Variants in ARHGAP15 observed in about 807,000 individuals in gnomAD.
ARHGAP15 encodes the protein Rho GTPase activating protein 15.
ARHGAP15 carries 51 observed loss-of-function variants against 63.7 expected under a neutral mutation model. That is an observed-to-expected ratio of 0.80 (90% CI 0.64 to 1.01). The LOEUF is 1.01. ARHGAP15 is among the 50% of genes least tolerant of loss of function. The pLI, the probability that ARHGAP15 is intolerant of heterozygous loss-of-function variation, is 0.00. For missense variants in ARHGAP15, 560 were observed against 564.6 expected, an observed-to-expected ratio of 0.99 and a Z score of 0.08; for synonymous variants, 191 against 193.8, an observed-to-expected ratio of 0.99 and a Z score of 0.12.
chr2:143,180,988 A>C lies in ARHGAP15; in HGVS notation c.166-21146A>C, dbSNP rs576689246. Among the ~76,000 whole-genome samples the C allele has an allele frequency of 4.6e-5, 7 of 152,282 alleles. No homozygotes were observed. The South Asian group carries it at 1.5e-3, about 32-fold the overall frequency. Reference sequence around the variant, plus strand: ...TACCCGGCCTTAAATATATTTCTTAAATAACAAAACTCTAAAGCCAAATTT... The same window carrying C: ...TACCCGGCCTTAAATATATTTCTTACATAACAAAACTCTAAAGCCAAATTT... On this transcript the variant is annotated intron_variant, in intron 2 of 13. Transcript: ENST00000295095.
intron 13 of ARHGAP15, among the ~76,000 whole-genome samples, chr2:143,764,377 A>G (rs538223033): frequency 8.5e-5 from 13 of 152,214 alleles, no homozygotes; most frequent in African/African-American, 2.6e-4. Flanking sequence ...TCTTCCTTCT[A>G]TAACTGTATC....
chr2:143,658,343 T>C (rs1174393841), intron 12 of ARHGAP15, among the ~76,000 whole-genome samples: 1 of 152,212 alleles, frequency 6.6e-6, no homozygotes, highest in African/African-American at 2.4e-5. Context: ...TTCGGGTGTA[T>C]TTGTATCAAA....
Position 143,250,936 on chromosome 2 carries a change from A to G in ARHGAP15, c.474+336A>G, listed in dbSNP as rs143729609. Among the ~76,000 whole-genome samples the G allele has an allele frequency of 5.6e-3, 850 of 152,202 alleles. 4 individuals are homozygous for G. The highest frequency in any genetic ancestry group is 8.4e-3 in the Admixed American group (128 of 15,282). ...TTTGATCTAGAATTTTCAGATGCACACAAACTAAGACTCACCAAGTATAAG... is the reference window on the plus strand; with the variant it reads ...TTTGATCTAGAATTTTCAGATGCACGCAAACTAAGACTCACCAAGTATAAG... On this transcript the variant is annotated intron_variant, in intron 6 of 13. Transcript: ENST00000295095.
At chr2:143,338,064 A>G (rs897748796) in intron 6 of ARHGAP15, among the ~76,000 whole-genome samples, 3 of 152,178 alleles carry the variant, frequency 2.0e-5, no homozygotes, top group Admixed American at 6.5e-5. Flanking sequence ...GTGAGCATTA[A>G]TCTAACTCTT....
chr2:143,244,840 T>C (rs567599183), intron 5 of ARHGAP15, among the ~76,000 whole-genome samples: 5 of 152,282 alleles, frequency 3.3e-5, no homozygotes, highest in South Asian at 2.1e-4. Context: ...AAATAAGAAC[T>C]CTACTGAGGT....
At chr2:143,363,597 C>A (rs79470144) in intron 6 of ARHGAP15, among the ~76,000 whole-genome samples, 6,311 of 152,246 alleles carry the variant, frequency 0.041, 182 homozygotes, top group Non-Finnish European at 0.063. Context: ...CCAAGGCTTT[C>A]CTTAAGGGCT....
At chr2:143,390,745 AC>A (rs1317674561) in intron 6 of ARHGAP15, among the ~76,000 whole-genome samples, 2 of 150,518 alleles carry the variant, frequency 1.3e-5, no homozygotes, top group East Asian at 3.9e-4. Flanking sequence ...ACACACACAC[AC>A]ACACACACAC....
chr2:143,603,249 C>G (rs1469302723), intron 11 of ARHGAP15, among the ~76,000 whole-genome samples: 1 of 152,288 alleles, frequency 6.6e-6, no homozygotes, highest in East Asian at 1.9e-4. Flanking sequence ...AAGAGTACTA[C>G]TGTCTTCTGC....
At chr2:143,766,259 T>C (rs372271291) in intron 13 of ARHGAP15, among the ~76,000 whole-genome samples, 3 of 152,288 alleles carry the variant, frequency 2.0e-5, no homozygotes, top group African/African-American at 7.2e-5. Flanking sequence ...AATATGCAAT[T>C]AATAAGTGGC....
In ARHGAP15 at chr2:143,767,513, C is replaced by T. The variant is rs143411976; in HGVS notation, c.1245-476C>T. On this transcript the variant is annotated intron_variant, in intron 13 of 13. Coordinates refer to ENST00000295095, the MANE Select transcript of ARHGAP15 (RefSeq NM_018460.4). ...CTTATCTCCTCTACAAAACATATTC[C>T]AGTTAGCATTTGCCAGGAATACTTT... Among the ~76,000 whole-genome samples, 721 of 152,264 alleles carry T rather than the reference C, an allele frequency of 4.7e-3. 7 individuals are homozygous for T. The highest frequency in any genetic ancestry group is 0.017 in the Middle Eastern group (5 of 294).
At chr2:143,443,259 G>A (rs1209456932) in intron 8 of ARHGAP15, among the ~76,000 whole-genome samples, 1 of 151,910 alleles carries the variant, frequency 6.6e-6, no homozygotes, top group Admixed American at 6.6e-5. Flanking sequence ...CATCTGCCAA[G>A]GAAATGAAAA....
intron 11 of ARHGAP15, among the ~76,000 whole-genome samples, chr2:143,591,164 G>C (rs1430305052): frequency 1.3e-5 from 2 of 152,020 alleles, no homozygotes. Context: ...TATACATTTG[G>C]TGCTTAACTC....
intron 10 of ARHGAP15, among the ~76,000 whole-genome samples, chr2:143,547,870 A>C (rs1459585094): frequency 6.6e-6 from 1 of 152,002 alleles, no homozygotes; most frequent in Non-Finnish European, 1.5e-5. Flanking sequence ...TAATAGTAAA[A>C]AGCAAGATAG....
In ARHGAP15 at chr2:143,733,550, T is replaced by C. The variant is rs187517026; in HGVS notation, c.1244+30026T>C. On this transcript the variant is annotated intron_variant, in intron 13 of 13. Transcript: ENST00000295095. ...TGCCTTCAGTTACTGATTTCATCTC[T>C]AAGCTAGAAAAATAAAAACTGTCCC... 2.8e-3 allele frequency among the ~76,000 whole-genome samples: 419 copies of C among 152,030 alleles called. 1 individual carries two copies. Among genetic ancestry groups the C allele is most frequent in the African/African-American group, 9.4e-3 (392 of 41,560 alleles).
intron 13 of ARHGAP15, among the ~76,000 whole-genome samples, chr2:143,762,488 T>C (rs1686794845): frequency 6.6e-6 from 1 of 152,184 alleles, no homozygotes; most frequent in African/African-American, 2.4e-5. Context: ...ATGACCAGAA[T>C]CTGACTTCTG....
At position 143,330,132 on chromosome 2, in the gene ARHGAP15, C is replaced by CAAA. The variant is rs367621500; in HGVS notation, c.474+79532_474+79533insAAA. ...AAAAAAAAAAAAAAAAAAAAAAAAACCAAAAACAAAAAACTAAACTAATGA... is the reference window on the plus strand; with the variant it reads ...AAAAAAAAAAAAAAAAAAAAAAAAACAAACAAAAACAAAAAACTAAACTAATGA... On this transcript the variant is annotated intron_variant, in intron 6 of 13. Transcript: ENST00000295095. 1.9e-3 allele frequency among the ~76,000 whole-genome samples: 95 copies of CAAA among 48,944 alleles called. 4 individuals carry two copies. The highest frequency in any genetic ancestry group is 5.7e-3 in the African/African-American group (90 of 15,834). The allele number at this position is 48,944 out of a possible 152,430, so 32.1% of individuals were successfully genotyped here.
intron 12 of ARHGAP15, among the ~76,000 whole-genome samples, chr2:143,681,075 G>A (rs569260432): frequency 4.6e-5 from 7 of 152,140 alleles, no homozygotes; most frequent in Non-Finnish European, 7.4e-5. Flanking sequence ...CACACCTTTC[G>A]AAGGAGCAAA....
At chr2:143,757,958 T>G (rs1686636215) in intron 13 of ARHGAP15, among the ~76,000 whole-genome samples, 1 of 151,890 alleles carries the variant, frequency 6.6e-6, no homozygotes, top group Non-Finnish European at 1.5e-5. Context: ...ACAAAAGTAA[T>G]GAAAAGTTAC....
chr2:143,573,480 GATTA>G (rs1178029383), intron 11 of ARHGAP15, among the ~76,000 whole-genome samples: 15 of 152,196 alleles, frequency 9.9e-5, no homozygotes, highest in Admixed American at 2.0e-4. Flanking sequence ...ATGCCGACTT[GATTA>G]ATTGTTACAG....
Sources: allele counts gnomAD v4.1 joint callset (sites outside exome capture counted in the v4.1 genomes callset), GRCh38; gene constraint gnomAD v4.1.1; transcripts MANE v1.5; gene names NCBI Gene and HGNC (gene_info 2026-07-23, HGNC 2026-07-21).